Variants in NRP1 observed in about 807,000 individuals in gnomAD.
NRP1 encodes the protein neuropilin 1.
A neutral mutation model predicts 106.7 loss-of-function variants in NRP1; 35 were observed. That is an observed-to-expected ratio of 0.33 (90% CI 0.25 to 0.43). The LOEUF (loss-of-function observed/expected upper bound fraction) is 0.43. Ranked by LOEUF, NRP1 falls within the 20% of genes least tolerant of loss-of-function variation. The pLI is 1.00. For synonymous variants in NRP1, 437 were observed against 417.9 expected (o/e 1.05, Z -0.56); for missense variants, 1,024 against 1,170.4 (o/e 0.87, Z 1.83).
intron 2 of NRP1, among the ~76,000 whole-genome samples, chr10:33,317,576 A>T (rs1032105384): frequency 7.9e-5 from 12 of 152,222 alleles, no homozygotes; most frequent in African/African-American, 2.7e-4. Flanking sequence ...ATTGTCAAGG[A>T]CTGGCAACCC....
At chr10:33,255,130 C>T (rs1039254004) in intron 5 of NRP1, among the ~76,000 whole-genome samples, 1 of 152,110 alleles carries the variant, frequency 6.6e-6, no homozygotes, top group African/African-American at 2.4e-5. Context: ...ACCAAAATTC[C>T]CCATTTTCTG....
chr10:33,186,462 C>T lies in NRP1; in HGVS notation c.2089G>A (p.Ala697Thr). The change falls in exon 14 of 17, where the codon GCT becomes ACT. Residue 697 changes from alanine to threonine, a missense_variant. Transcript: ENST00000374867. ...TGDGNFIYSQ[A>T]DENQKGKVAR... is the part of the protein sequence containing the mutation. The stretch of plus-strand genomic sequence containing the variant: ...ACTTTGCCCTTCTGATTTTCGTCAG[C>T]TTGGGAATAGATGAAGTTGCCATCT... The T allele has an allele frequency of 6.2e-7, 1 of 1,613,134 alleles. No individual in the cohort carries two copies. The highest frequency in any genetic ancestry group is 1.3e-5 in the African/African-American group (1 of 75,036).
At chr10:33,307,430 C>G (rs1400588364) in intron 2 of NRP1, among the ~76,000 whole-genome samples, 3 of 152,100 alleles carry the variant, frequency 2.0e-5, no homozygotes, top group African/African-American at 7.2e-5. Flanking sequence ...TATTTCCTAT[C>G]TGGCCGTTTT....
chr10:33,272,460 C>T (rs1450361858), intron 2 of NRP1, among the ~76,000 whole-genome samples: 2 of 151,824 alleles, frequency 1.3e-5, no homozygotes, highest in African/African-American at 4.8e-5. Flanking sequence ...TTGGGAAATG[C>T]TTTGCATGTT....
At chr10:33,206,375 G>T in intron 10 of NRP1, 1 of 516,902 alleles carries the variant, frequency 1.9e-6, no homozygotes, top group Non-Finnish European at 3.9e-6. Context: ...AGGGGTTTGG[G>T]ACATGACTAC....
At chr10:33,183,319 A>C (rs1200010725) in intron 15 of NRP1, among the ~76,000 whole-genome samples, 1 of 151,726 alleles carries the variant, frequency 6.6e-6, no homozygotes, top group Non-Finnish European at 1.5e-5. Context: ...AAAAGCAAAA[A>C]CAACAACAAC....
intron 13 of NRP1, among the ~76,000 whole-genome samples, chr10:33,190,895 C>T (rs1836360008): frequency 6.6e-6 from 1 of 151,628 alleles, no homozygotes; most frequent in Non-Finnish European, 1.5e-5. Flanking sequence ...ATTCTGTCAC[C>T]CAGGCTGGAG....
At chr10:33,245,962 CT>C (rs1407260268) in intron 6 of NRP1, among the ~76,000 whole-genome samples, 1 of 152,108 alleles carries the variant, frequency 6.6e-6, no homozygotes, top group Non-Finnish European at 1.5e-5. Context: ...GAAGAATTGT[CT>C]TTTTGGTGAT....
chr10:33,299,754 C>T (rs924941824), intron 2 of NRP1, among the ~76,000 whole-genome samples: 1 of 152,132 alleles, frequency 6.6e-6, no homozygotes, highest in African/African-American at 2.4e-5. Flanking sequence ...TCACTGCTCT[C>T]CAGACTGCAT....
intron 6 of NRP1, among the ~76,000 whole-genome samples, chr10:33,251,155 T>C (rs1841829284): frequency 1.3e-5 from 2 of 152,060 alleles, no homozygotes; most frequent in Admixed American, 1.3e-4. Flanking sequence ...AGTGGGTGAG[T>C]TCTCATGAGA....
At chr10:33,202,585 TAATGAAAA>T in intron 11 of NRP1, 1 of 872,520 alleles carries the variant, frequency 1.1e-6, no homozygotes, top group African/African-American at 1.8e-5. Flanking sequence ...GGTCTGAAAA[TAATGAAAA>T]TAAGGATCGG....
chr10:33,188,516 A>G (rs1836173503), intron 13 of NRP1, among the ~76,000 whole-genome samples: 1 of 152,058 alleles, frequency 6.6e-6, no homozygotes, highest in African/African-American at 2.4e-5. Context: ...GAGAGATGCC[A>G]GATTTCAAGA....
chr10:33,189,831 T>C (rs891170210), intron 13 of NRP1, among the ~76,000 whole-genome samples: 8 of 152,258 alleles, frequency 5.3e-5, no homozygotes, highest in African/African-American at 1.7e-4. Flanking sequence ...AATGTCAGTC[T>C]ATGCGCGGGA....
chr10:33,304,176 A>T (rs1240772656), intron 2 of NRP1, among the ~76,000 whole-genome samples: 4 of 152,220 alleles, frequency 2.6e-5, no homozygotes, highest in African/African-American at 9.6e-5. Context: ...CATGGTAATT[A>T]GGTTAGGAGT....
At chr10:33,214,814 T>C (rs1360313603) in intron 8 of NRP1, among the ~76,000 whole-genome samples, 1 of 151,670 alleles carries the variant, frequency 6.6e-6, no homozygotes, top group Non-Finnish European at 1.5e-5. Context: ...TTGGGGGAAA[T>C]GGAGATTGGG....
chr10:33,279,334 G>A lies in NRP1; in HGVS notation c.249-8478C>T, dbSNP rs563568863. 5.9e-5 allele frequency among the ~76,000 whole-genome samples: 9 copies of A among 152,236 alleles called. No homozygotes were observed. In the East Asian group the frequency reaches 1.7e-3, roughly 29 times the overall value. ...GGGCTGCAGTCTCATCCGAAGCTGG[G>A]GATCCTCCTGGAAGCTCACACCACT... On this transcript the variant is annotated intron_variant, in intron 2 of 16. Transcript: ENST00000374867.
intron 6 of NRP1, among the ~76,000 whole-genome samples, chr10:33,235,900 A>C (rs1215938867): frequency 6.6e-6 from 1 of 152,226 alleles, no homozygotes; most frequent in African/African-American, 2.4e-5. Context: ...CTCCTTTAAA[A>C]TATTTTCCTT....
chr10:33,264,255 T>G (rs1269834648), intron 3 of NRP1, among the ~76,000 whole-genome samples: 1 of 152,224 alleles, frequency 6.6e-6, no homozygotes, highest in Non-Finnish European at 1.5e-5. Flanking sequence ...AGCCCTTTAT[T>G]GGTGAAATAG....
intron 2 of NRP1, among the ~76,000 whole-genome samples, chr10:33,298,240 G>A (rs1845552227): frequency 6.6e-6 from 1 of 152,124 alleles, no homozygotes. Flanking sequence ...TCCCTGCTGG[G>A]TAATCAGGTA....
Sources: gnomAD v4.1 joint callset for allele counts (sites outside exome capture counted in the v4.1 genomes callset) on GRCh38, gnomAD v4.1.1 for gene constraint, MANE v1.5 for transcripts, NCBI Gene and HGNC (gene_info 2026-07-23, HGNC 2026-07-21) for gene names.